The following HMGCLL1 variants were observed in gnomAD, a reference collection of about 807,000 sequenced individuals.
The protein encoded by HMGCLL1 is 3-hydroxymethyl-3-methylglutaryl-CoA lyase, cytoplasmic.
A neutral mutation model predicts 39.1 loss-of-function variants in HMGCLL1; 36 were observed. The ratio of observed to expected loss-of-function variants is 0.92; its 90% CI spans 0.71 to 1.22. HMGCLL1 has a LOEUF of 1.22. HMGCLL1 is among the 50% of genes most tolerant of loss of function. The pLI is 0.00. For synonymous variants in HMGCLL1, 149 were observed against 144.0 expected (o/e 1.03, Z -0.25); for missense variants, 451 against 416.5 (o/e 1.08, Z -0.72).
At chr6:55,628,824 A>T in the HMGCLL1 span, among the ~76,000 whole-genome samples, 1 of 152,056 alleles carries the variant, frequency 6.6e-6, no homozygotes, top group Non-Finnish European at 1.5e-5. Context: ...CCATGCACAA[A>T]CTTCCTTTGC....
the HMGCLL1 span, among the ~76,000 whole-genome samples, chr6:55,601,367 C>A: frequency 6.6e-6 from 1 of 152,150 alleles, no homozygotes; most frequent in African/African-American, 2.4e-5. Context: ...GACTGGGCTG[C>A]ACGATTCACA....
the HMGCLL1 span, among the ~76,000 whole-genome samples, chr6:55,589,867 G>A: frequency 5.3e-5 from 8 of 152,090 alleles, no homozygotes; most frequent in Non-Finnish European, 1.0e-4. Flanking sequence ...ACCTCTTCAA[G>A]GAGAACTATA....
chr6:55,499,936 AT>A (rs1293401381), intron 5 of HMGCLL1, among the ~76,000 whole-genome samples: 1 of 152,066 alleles, frequency 6.6e-6, no homozygotes, highest in Non-Finnish European at 1.5e-5. Flanking sequence ...AAAGTCAAGC[AT>A]TTCCTGCAAA....
At chr6:55,543,312 A>T (rs1336490529) in intron 1 of HMGCLL1, among the ~76,000 whole-genome samples, 2 of 16,924 alleles carry the variant, frequency 1.2e-4, no homozygotes, top group African/African-American at 2.1e-4. Context: ...TATGATATAT[A>T]ATATATAATA....
chr6:55,678,913 A>T, the HMGCLL1 span, among the ~76,000 whole-genome samples: 3 of 152,154 alleles, frequency 2.0e-5, no homozygotes, highest in Non-Finnish European at 2.9e-5. Context: ...GTTAACATTA[A>T]CTTGGTCAGT....
At chr6:55,542,800 T>TTA (rs199633561) in intron 1 of HMGCLL1, among the ~76,000 whole-genome samples, 51,135 of 137,932 alleles carry the variant, frequency 0.37, 10,904 homozygotes, top group East Asian at 0.52. Context: ...ATACCTATAT[T>TTA]TATATATATA....
intron 7 of HMGCLL1, among the ~76,000 whole-genome samples, chr6:55,443,244 G>A (rs1402753816): frequency 6.6e-6 from 1 of 152,052 alleles, no homozygotes; most frequent in African/African-American, 2.4e-5. Flanking sequence ...AGTTAACCAG[G>A]ACTGGTCAGC....
At chr6:55,446,572 T>C (rs1040229356) in intron 7 of HMGCLL1, among the ~76,000 whole-genome samples, 46 of 151,982 alleles carry the variant, frequency 3.0e-4, no homozygotes, top group Admixed American at 2.2e-3. Flanking sequence ...AAATTGCCTG[T>C]AGATATGTCA....
At chr6:55,486,156 C>T (rs1167251534) in intron 7 of HMGCLL1, among the ~76,000 whole-genome samples, 2 of 149,686 alleles carry the variant, frequency 1.3e-5, no homozygotes, top group East Asian at 3.9e-4. Flanking sequence ...TATATTAATA[C>T]TTATTTTACT....
intron 3 of HMGCLL1, among the ~76,000 whole-genome samples, chr6:55,522,635 G>C (rs2127442671): frequency 1.3e-5 from 2 of 152,082 alleles, no homozygotes; most frequent in South Asian, 4.1e-4. Flanking sequence ...GCTACTCCAT[G>C]TACAGGTCTC....
At position 55,439,288 on chromosome 6, in the gene HMGCLL1, T is replaced by G. The variant is rs1364566214; in HGVS notation, c.921+146A>C. The G allele has an allele frequency of 4.3e-6, 3 of 699,876 alleles. No homozygotes were observed. The South Asian group carries it at 7.1e-5, about 16-fold the overall frequency. 43.4% of individuals were successfully genotyped at this position (699,876 alleles called of 1,614,324 possible). ...CTTTATAAAGACCCCAAAAGAATTT[T>G]TATTGCATTTTCCCACTGTGCATTT... is the stretch of plus-strand genomic sequence containing the variant. On this transcript the variant is annotated intron_variant, in intron 8 of 8. Coordinates refer to ENST00000274901, the MANE Select transcript of HMGCLL1 (RefSeq NM_001042406.2).
intron 7 of HMGCLL1, among the ~76,000 whole-genome samples, chr6:55,468,365 G>C (rs1035853024): frequency 5.9e-5 from 9 of 151,928 alleles, no homozygotes; most frequent in Non-Finnish European, 8.8e-5. Flanking sequence ...CTTATGGAAG[G>C]TGCTCAATAG....
intron 7 of HMGCLL1, among the ~76,000 whole-genome samples, chr6:55,486,491 G>C (rs1766038675): frequency 6.6e-6 from 1 of 151,940 alleles, no homozygotes; most frequent in Non-Finnish European, 1.5e-5. Flanking sequence ...CATTAAATAT[G>C]GATTATTATC....
At chr6:55,577,148 A>G in intron 1 of HMGCLL1, 2 of 1,599,402 alleles carry the variant, frequency 1.3e-6, no homozygotes, top group South Asian at 2.3e-5. Context: ...AAAGCAGTGA[A>G]GGTTTGTTAG....
At chr6:55,600,953 G>GA in the HMGCLL1 span, among the ~76,000 whole-genome samples, 1 of 152,018 alleles carries the variant, frequency 6.6e-6, no homozygotes, top group Middle Eastern at 3.2e-3. Flanking sequence ...CAAATCATGA[G>GA]AAAATCATAG....
rs79887348 is a variant in HMGCLL1 at position 55,438,970 on chromosome 6, T to G, written c.921+464A>C. Among the ~76,000 whole-genome samples, 395 of 152,118 alleles carry G rather than the reference T, an allele frequency of 2.6e-3. 3 individuals are homozygous for G. The highest frequency in any genetic ancestry group is 7.8e-3 in the African/African-American group (323 of 41,524). On this transcript the variant is annotated intron_variant, in intron 8 of 8. Transcript: ENST00000274901. ...GCCATCCAGTGTCTCATATGCTAAG[T>G]GTTATGAAGCTCCCCTCTTTCACTG...
chr6:55,507,574 T>C (rs1317978775), intron 5 of HMGCLL1, among the ~76,000 whole-genome samples: 3 of 151,976 alleles, frequency 2.0e-5, no homozygotes, highest in East Asian at 3.9e-4. Context: ...ATAGCATGAT[T>C]ATGTACAAAA....
chr6:55,514,302 A>G (rs1442333857), intron 4 of HMGCLL1, 106 bp from the exon 5 acceptor site: 4 of 758,482 alleles, frequency 5.3e-6, no homozygotes, highest in Non-Finnish European at 8.1e-6. Context: ...GTATTCTTTA[A>G]TATTTGCCTT....
chr6:55,530,256 G>C (rs1267301818), intron 3 of HMGCLL1, among the ~76,000 whole-genome samples: 6 of 151,998 alleles, frequency 3.9e-5, no homozygotes, highest in Admixed American at 3.9e-4. Flanking sequence ...GTGCTATAAG[G>C]TTATTAGCAT....
Sources: allele counts gnomAD v4.1 joint callset (sites outside exome capture counted in the v4.1 genomes callset), GRCh38; gene constraint gnomAD v4.1.1; transcripts MANE v1.5; gene names NCBI Gene and HGNC (gene_info 2026-07-23, HGNC 2026-07-21).